The following ATP6V0A1 variants were observed in gnomAD, a reference collection of about 807,000 sequenced individuals.
The protein encoded by ATP6V0A1 is V-type proton ATPase 116 kDa subunit a 1.
In ATP6V0A1, 43 loss-of-function variants were observed where a neutral mutation model predicts 105.4. The observed-to-expected ratio is 0.41, with a 90% CI of 0.32 to 0.53. The LOEUF (loss-of-function observed/expected upper bound fraction) is 0.53. Among genes scored for constraint, ATP6V0A1 ranks in the 20% least tolerant of loss-of-function variants. The pLI, the probability that ATP6V0A1 is intolerant of heterozygous loss-of-function variation, is 0.30. For missense variants in ATP6V0A1, 676 were observed against 1,051.1 expected, an observed-to-expected ratio of 0.64 and a Z score of 4.93; for synonymous variants, 362 against 372.8, an observed-to-expected ratio of 0.97 and a Z score of 0.33.
chr17:42,487,063 T>C (rs2090175372), intron 9 of ATP6V0A1, 92 bp from the exon 10 acceptor site: 2 of 1,283,804 alleles, frequency 1.6e-6, no homozygotes, highest in African/African-American at 1.5e-5. Flanking sequence ...CTGGCAACTC[T>C]TTTCAGAAAG....
intron 21 of ATP6V0A1, among the ~76,000 whole-genome samples, chr17:42,514,871 G>A (rs1034611502): frequency 2.6e-5 from 4 of 152,098 alleles, no homozygotes; most frequent in African/African-American, 9.7e-5. Flanking sequence ...GCTAGAACAC[G>A]CTGCACCCCA....
In ATP6V0A1 at chr17:42,521,131, G is replaced by A. The variant is rs879592351; in HGVS notation, c.*11G>A. Reference sequence around the variant, plus strand: ...AAGTTTGAAGAGTGAGTCCCTGTGAGGGCCGTGTGCCCCATGCTACCCTCC... The same window carrying A: ...AAGTTTGAAGAGTGAGTCCCTGTGAAGGCCGTGTGCCCCATGCTACCCTCC... On this transcript the variant is annotated 3_prime_UTR_variant, in exon 22 of 22. Transcript: ENST00000343619. The surrounding 1 kb of genome is among the most constrained non-coding windows in gnomAD (Gnocchi z 4.8). 1 of 1,597,298 alleles carries A rather than the reference G, an allele frequency of 6.3e-7. No individual in the cohort carries two copies. The highest frequency in any genetic ancestry group is 8.5e-7 in the Non-Finnish European group (1 of 1,170,706).
At chr17:42,510,062 C>T (rs1299112099) in intron 19 of ATP6V0A1, 2 of 152,232 alleles carry the variant, frequency 1.3e-5, no homozygotes, top group Non-Finnish European at 2.9e-5. Flanking sequence ...CATGCAGGCC[C>T]TTGCTCCAGC....
chr17:42,514,317 G>A lies in ATP6V0A1; in HGVS notation c.2277G>A (p.Val759=). The A allele has an allele frequency of 6.2e-7, 1 of 1,608,324 alleles. No homozygotes were observed. Residue 759 remains valine (V), a synonymous_variant, in exon 21 of 22, where the codon GTG becomes GTA. Transcript: ENST00000343619. The stretch of plus-strand genomic sequence containing the variant: ...TGTCTGAGGTGCTTTGGACCATGGT[G>A]ATCCACATCGGCCTGAGCGTGAAGA... ...AQLSEVLWTM[V]IHIGLSVKSL...
chr17:42,459,987 T>C (rs1598624425), intron 1 of ATP6V0A1, among the ~76,000 whole-genome samples: 2 of 152,302 alleles, frequency 1.3e-5, no homozygotes, highest in East Asian at 3.9e-4. Context: ...CGAGAATAAA[T>C]AATTGCAGTT....
At chr17:42,500,365 A>C (rs1206650890) in intron 15 of ATP6V0A1, among the ~76,000 whole-genome samples, 1 of 152,224 alleles carries the variant, frequency 6.6e-6, no homozygotes, top group Non-Finnish European at 1.5e-5. Context: ...CTGTAGTCCC[A>C]GCTACTCGAG....
chr17:42,475,173 A>C (rs1195127574), intron 5 of ATP6V0A1, among the ~76,000 whole-genome samples: 5 of 152,160 alleles, frequency 3.3e-5, no homozygotes, highest in Non-Finnish European at 7.3e-5. Flanking sequence ...GCCTAGGTGA[A>C]TACCTTAAGT....
intron 18 of ATP6V0A1, 45 bp downstream of exon 18, chr17:42,507,672 A>G: frequency 2.6e-6 from 4 of 1,526,754 alleles, no homozygotes; most frequent in Non-Finnish European, 3.6e-6. Context: ...ACCTCGGGTC[A>G]GCCCTAGTCT....
At chr17:42,503,931 CCTAT>C (rs2091859783) in intron 17 of ATP6V0A1, among the ~76,000 whole-genome samples, 1 of 152,222 alleles carries the variant, frequency 6.6e-6, no homozygotes, top group South Asian at 2.1e-4. Flanking sequence ...ACACATACTA[CCTAT>C]TGTCAATGTC....
intron 17 of ATP6V0A1, 178 bp from the exon 18 acceptor site, chr17:42,507,342 C>T (rs527807089): frequency 5.1e-4 from 275 of 534,804 alleles, no homozygotes; most frequent in Non-Finnish European, 8.3e-4. Context: ...GCTGGGGAGG[C>T]GGTGGTTGGG....
At chr17:42,486,864 C>T (rs950974055) in intron 9 of ATP6V0A1, among the ~76,000 whole-genome samples, 2 of 152,200 alleles carry the variant, frequency 1.3e-5, no homozygotes, top group Admixed American at 6.5e-5. Context: ...AAGTTAAAGG[C>T]AGTGACCTAC....
intron 18 of ATP6V0A1, 93 bp from the exon 19 acceptor site, chr17:42,508,479 C>A (rs1336536976): frequency 1.3e-6 from 2 of 1,527,590 alleles, no homozygotes; most frequent in Non-Finnish European, 1.8e-6. Flanking sequence ...CATGAACAGT[C>A]CTCCCCAAGA....
At chr17:42,501,700 ACCATGC>A (rs569600232) in intron 17 of ATP6V0A1, among the ~76,000 whole-genome samples, 72 of 150,688 alleles carry the variant, frequency 4.8e-4, no homozygotes, top group African/African-American at 1.7e-3. Flanking sequence ...AGCGTGAGCC[ACCATGC>A]CCGGCCACAA....
At chr17:42,474,196 G>A (rs927670961) in intron 5 of ATP6V0A1, among the ~76,000 whole-genome samples, 10 of 151,802 alleles carry the variant, frequency 6.6e-5, no homozygotes, top group Non-Finnish European at 1.2e-4. Flanking sequence ...AGAGACGGGC[G>A]TTTCACCATA....
chr17:42,520,359 G>A (rs572968409), intron 21 of ATP6V0A1: 3 of 447,140 alleles, frequency 6.7e-6, no homozygotes, highest in Admixed American at 4.9e-5. Flanking sequence ...CTCCCTGAGA[G>A]TGAAAGGGCC....
chr17:42,509,051 G>T (rs1599084450), intron 19 of ATP6V0A1, among the ~76,000 whole-genome samples: 2 of 151,308 alleles, frequency 1.3e-5, no homozygotes, highest in South Asian at 4.2e-4. Flanking sequence ...TCTTCCTGCT[G>T]CCCTCCTCAG....
chr17:42,459,890 T>G (rs770462948), intron 1 of ATP6V0A1, among the ~76,000 whole-genome samples: 12 of 152,228 alleles, frequency 7.9e-5, no homozygotes, highest in Non-Finnish European at 1.6e-4. Flanking sequence ...CTATCAGTAC[T>G]CAGTATAGAT....
At chr17:42,485,796 A>G (rs1027035585) in intron 9 of ATP6V0A1, among the ~76,000 whole-genome samples, 3 of 152,162 alleles carry the variant, frequency 2.0e-5, no homozygotes, top group African/African-American at 7.2e-5. Flanking sequence ...ACCTCAAACA[A>G]TCCTCCTGCC....
chr17:42,500,975 G>T, intron 16 of ATP6V0A1, 52 bp downstream of exon 16: 2 of 1,556,774 alleles, frequency 1.3e-6, no homozygotes. Flanking sequence ...TGATCAGGAA[G>T]CCAGATGTTT....
Sources: gnomAD v4.1 joint callset for allele counts (sites outside exome capture counted in the v4.1 genomes callset) on GRCh38, gnomAD v4.1.1 for gene constraint, Gnocchi (gnomAD v3.1) non-coding constraint, MANE v1.5 for transcripts, NCBI Gene and HGNC (gene_info 2026-07-23, HGNC 2026-07-21) for gene names.